TMEM196: variants seen among roughly 807,000 people sequenced by gnomAD.
The protein encoded by TMEM196 is transmembrane protein 196.
A neutral mutation model predicts 20.0 loss-of-function variants in TMEM196; 17 were observed. That is an observed-to-expected ratio of 0.85 (90% CI 0.58 to 1.27). The LOEUF (loss-of-function observed/expected upper bound fraction) is 1.27. TMEM196 is among the 50% of genes most tolerant of loss of function. The pLI is 0.00. For synonymous variants in TMEM196, 113 were observed against 88.9 expected (o/e 1.27, Z -1.52); for missense variants, 267 against 223.0 (o/e 1.20, Z -1.26).
At chr7:19,764,439 C>T (rs1013134316) in intron 1 of TMEM196, among the ~76,000 whole-genome samples, 3 of 152,104 alleles carry the variant, frequency 2.0e-5, no homozygotes, top group Non-Finnish European at 2.9e-5. Context: ...ATGTCTCACC[C>T]TAACAAGGCT....
intron 1 of TMEM196, among the ~76,000 whole-genome samples, chr7:19,756,333 A>AT (rs1785209611): frequency 6.6e-6 from 1 of 151,144 alleles, no homozygotes; most frequent in Non-Finnish European, 1.5e-5. Context: ...TCTAGTATGT[A>AT]TTTTTTACCT....
intron 1 of TMEM196, among the ~76,000 whole-genome samples, chr7:19,730,956 A>G (rs1007252211): frequency 6.6e-6 from 1 of 152,220 alleles, no homozygotes; most frequent in Non-Finnish European, 1.5e-5. Flanking sequence ...GTTCCCTAAC[A>G]TACACCAAAA....
chr7:19,769,860 C>T lies in TMEM196; in HGVS notation c.147+2690G>A, dbSNP rs142417712. 2.6e-5 allele frequency among the ~76,000 whole-genome samples: 4 copies of T among 152,248 alleles called. No individual in the cohort carries two copies. In the East Asian group the frequency reaches 5.8e-4, roughly 22 times the overall value. On this transcript the variant is annotated intron_variant, in intron 1 of 4. Transcript: ENST00000405844. ...TTATTGCAAATACTGCACTATTTTACATAAGGGACATCAGCATCCTCAGAT... is the reference window on the plus strand; with the variant it reads ...TTATTGCAAATACTGCACTATTTTATATAAGGGACATCAGCATCCTCAGAT...
intron 1 of TMEM196, among the ~76,000 whole-genome samples, chr7:19,760,780 T>G (rs1031822682): frequency 2.6e-5 from 4 of 152,210 alleles, no homozygotes; most frequent in Admixed American, 2.6e-4. Flanking sequence ...TTTTATTTAC[T>G]GCTAGACCCT....
rs1295417591 is a variant in TMEM196, at chr7:19,772,655, G to C, written c.42C>G (p.Leu14=). The C allele has an allele frequency of 1.3e-6, 2 of 1,542,252 alleles. No individual in the cohort carries two copies. The highest frequency in any genetic ancestry group is 1.7e-6 in the Non-Finnish European group (2 of 1,142,930). ...CCCCCAGCCCTATCTCCAGCACGGA[G>C]AGCACCAAGAGGCTCCCAATAATCT... ...SGQIIGSLLV[L]SVLEIGLGVS... The change falls in exon 1 of 5, where the codon CTC becomes CTG. Residue 14 remains leucine (L), a synonymous_variant. Transcript: ENST00000405844.
intron 1 of TMEM196, among the ~76,000 whole-genome samples, chr7:19,732,828 A>G (rs975690059): frequency 2.0e-5 from 3 of 152,204 alleles, no homozygotes; most frequent in African/African-American, 7.2e-5. Flanking sequence ...GGAATTTGTT[A>G]TAATATTTCA....
At chr7:19,722,899 A>G (rs1026002868) in intron 4 of TMEM196, among the ~76,000 whole-genome samples, 2 of 152,164 alleles carry the variant, frequency 1.3e-5, no homozygotes, top group African/African-American at 4.8e-5. Flanking sequence ...AAAAAGTGAT[A>G]GGATATGAAG....
chr7:19,737,792 T>C (rs1784460312), intron 1 of TMEM196, among the ~76,000 whole-genome samples: 2 of 151,982 alleles, frequency 1.3e-5, no homozygotes, highest in Non-Finnish European at 2.9e-5. Flanking sequence ...ATAGGGTATA[T>C]ATTTAAGGAA....
At chr7:19,757,965 C>G (rs1405015821) in intron 1 of TMEM196, among the ~76,000 whole-genome samples, 1 of 141,998 alleles carries the variant, frequency 7.0e-6, no homozygotes, top group Non-Finnish European at 1.5e-5. Flanking sequence ...TATATATATA[C>G]TTTTTTTTTT....
rs1327687112 is a variant in TMEM196, at chr7:19,735,448, C to T, written c.148-6010G>A. 5.3e-5 allele frequency among the ~76,000 whole-genome samples: 8 copies of T among 152,294 alleles called. No homozygotes were observed. The East Asian group carries it at 9.6e-4, about 18-fold the overall frequency. ...TTCCCTGCTAGTTTGTCTCTCTTCTCTGTCTCCCGCTCTTTCTTTTTCTCT... is the reference window on the plus strand; with the variant it reads ...TTCCCTGCTAGTTTGTCTCTCTTCTTTGTCTCCCGCTCTTTCTTTTTCTCT... On this transcript the variant is annotated intron_variant, in intron 1 of 4. Coordinates refer to ENST00000405844, the MANE Select transcript of TMEM196 (RefSeq NM_001363562.2).
chr7:19,726,695 G>A (rs751478393), intron 2 of TMEM196, among the ~76,000 whole-genome samples: 2 of 151,998 alleles, frequency 1.3e-5, no homozygotes, highest in Non-Finnish European at 2.9e-5. Context: ...AATGCTTTCT[G>A]AGAAGTAAGT....
intron 1 of TMEM196, among the ~76,000 whole-genome samples, chr7:19,754,593 G>A (rs1040894809): frequency 1.3e-5 from 2 of 152,024 alleles, no homozygotes; most frequent in African/African-American, 4.8e-5. Flanking sequence ...AGGTTTTGAT[G>A]AAATTCTTTT....
chr7:19,723,761 T>C (rs1783891361), intron 4 of TMEM196, among the ~76,000 whole-genome samples: 1 of 152,198 alleles, frequency 6.6e-6, no homozygotes, highest in Non-Finnish European at 1.5e-5. Flanking sequence ...ACCATTACTA[T>C]TTATTTTTAG....
At chr7:19,742,225 C>G (rs56281968) in intron 1 of TMEM196, among the ~76,000 whole-genome samples, 1 of 151,984 alleles carries the variant, frequency 6.6e-6, no homozygotes, top group African/African-American at 2.4e-5. Flanking sequence ...TATTTTAACC[C>G]ATCAGGTACT....
intron 1 of TMEM196, among the ~76,000 whole-genome samples, chr7:19,762,546 AG>A (rs1415601128): frequency 3.3e-5 from 5 of 152,174 alleles, no homozygotes; most frequent in Admixed American, 2.6e-4. Context: ...ATATTAATGT[AG>A]GTTATTCCAA....
intron 3 of TMEM196, among the ~76,000 whole-genome samples, chr7:19,724,594 A>G (rs559213389): frequency 2.6e-5 from 4 of 152,338 alleles, no homozygotes; most frequent in Admixed American, 1.3e-4. Flanking sequence ...ATTTGAGAAC[A>G]CTTGCTCTCC....
Position 19,720,187 on chromosome 7 carries a change from G to A in TMEM196, c.*1941C>T, listed in dbSNP as rs1199877362. On this transcript the variant is annotated 3_prime_UTR_variant, in exon 5 of 5. Coordinates refer to ENST00000405844, the MANE Select transcript of TMEM196 (RefSeq NM_001363562.2). ...TTCACTATATGAGGTTGCATTTATG[G>A]ACAACTTCTGTAATCTACTAGGCAA... is the stretch of plus-strand genomic sequence containing the variant. 1 of 151,932 alleles carries A rather than the reference G, an allele frequency of 6.6e-6. No homozygotes were observed. Among genetic ancestry groups the A allele is most frequent in the African/African-American group, 2.4e-5 (1 of 41,416 alleles). The allele number at this position is 151,932 out of a possible 1,614,324, so 9.4% of individuals were successfully genotyped here.
chr7:19,766,986 A>G (rs979350547), intron 1 of TMEM196, among the ~76,000 whole-genome samples: 4 of 152,140 alleles, frequency 2.6e-5, no homozygotes, highest in Admixed American at 6.6e-5. Flanking sequence ...AGATGTTTCT[A>G]TCAAGCAAAC....
At chr7:19,755,188 A>C (rs1487046873) in intron 1 of TMEM196, among the ~76,000 whole-genome samples, 3 of 152,182 alleles carry the variant, frequency 2.0e-5, no homozygotes, top group African/African-American at 7.2e-5. Context: ...ACTTAGGCAA[A>C]ATCTAACAAA....
Sources: gnomAD v4.1 joint callset for allele counts (sites outside exome capture counted in the v4.1 genomes callset) on GRCh38, gnomAD v4.1.1 for gene constraint, MANE v1.5 for transcripts, NCBI Gene and HGNC (gene_info 2026-07-23, HGNC 2026-07-21) for gene names.